The following EPHA6 variants were observed in gnomAD, a reference collection of about 807,000 sequenced individuals.
EPHA6 encodes the protein ephrin type-A receptor 6.
In EPHA6, 50 loss-of-function variants were observed where a neutral mutation model predicts 112.0. The ratio of observed to expected loss-of-function variants is 0.45; its 90% CI spans 0.36 to 0.56. The LOEUF is 0.56. EPHA6 is among the 20% of genes least tolerant of loss of function. The pLI, the probability that EPHA6 is intolerant of heterozygous loss-of-function variation, is 0.00. For synonymous variants in EPHA6, 529 were observed against 490.7 expected (o/e 1.08, Z -1.03); for missense variants, 1,280 against 1,417.4 (o/e 0.90, Z 1.56).
chr3:97,321,729 G>A (rs2082130743), intron 5 of EPHA6, among the ~76,000 whole-genome samples: 1 of 151,772 alleles, frequency 6.6e-6, no homozygotes, highest in Non-Finnish European at 1.5e-5. Flanking sequence ...AATAATTTAA[G>A]TGTAAATAGA....
rs1006194457 is a variant in EPHA6 at position 97,701,702 on chromosome 3, C to T, written c.2785-18559C>T. ...ATTTGTCTGACAATGATATACCTAC[C>T]TTCTTTTTTTATATATACCTACCTT... is the stretch of plus-strand genomic sequence containing the variant. On this transcript the variant is annotated intron_variant, in intron 14 of 17. Coordinates refer to ENST00000389672, the MANE Select transcript of EPHA6 (RefSeq NM_001080448.3). 2.6e-5 allele frequency among the ~76,000 whole-genome samples: 4 copies of T among 151,378 alleles called. No individual in the cohort carries two copies. The East Asian group carries it at 7.8e-4, about 29-fold the overall frequency.
chr3:97,674,525 C>T (rs577169568), intron 14 of EPHA6, among the ~76,000 whole-genome samples: 12 of 152,270 alleles, frequency 7.9e-5, no homozygotes, highest in African/African-American at 2.2e-4. Flanking sequence ...AACAAATATT[C>T]TCTAGACAGT....
At chr3:97,110,647 C>G (rs2047694379) in intron 3 of EPHA6, among the ~76,000 whole-genome samples, 1 of 152,058 alleles carries the variant, frequency 6.6e-6, no homozygotes, top group Non-Finnish European at 1.5e-5. Context: ...TCCTCAGCCT[C>G]CCAAGTAGCT....
intron 3 of EPHA6, among the ~76,000 whole-genome samples, chr3:97,059,634 T>C (rs2045955763): frequency 6.6e-6 from 1 of 151,094 alleles, no homozygotes; most frequent in Non-Finnish European, 1.5e-5. Flanking sequence ...ATTTTGTTGT[T>C]GTGAATTTTA....
intron 4 of EPHA6, among the ~76,000 whole-genome samples, chr3:97,242,520 T>C (rs903753792): frequency 6.6e-6 from 1 of 151,888 alleles, no homozygotes. Context: ...GATTTGAATT[T>C]TATTCATCCG....
chr3:97,466,316 T>A (rs1397203837), intron 7 of EPHA6: 1 of 1,519,554 alleles, frequency 6.6e-7, no homozygotes, highest in Non-Finnish European at 9.1e-7. Context: ...CAATGAGAAG[T>A]AACTATACCT....
intron 12 of EPHA6, among the ~76,000 whole-genome samples, chr3:97,609,520 A>G (rs866232717): frequency 1.3e-5 from 2 of 151,508 alleles, no homozygotes; most frequent in Non-Finnish European, 3.0e-5. Flanking sequence ...TATAGAATAT[A>G]AGTTAATATT....
intron 4 of EPHA6, among the ~76,000 whole-genome samples, chr3:97,242,816 T>G (rs2078885785): frequency 6.6e-6 from 1 of 151,864 alleles, no homozygotes; most frequent in African/African-American, 2.4e-5. Flanking sequence ...AGATTTTTTT[T>G]TTAAATGAAG....
At chr3:97,168,202 A>G (rs1226985019) in intron 3 of EPHA6, among the ~76,000 whole-genome samples, 1 of 152,192 alleles carries the variant, frequency 6.6e-6, no homozygotes, top group Non-Finnish European at 1.5e-5. Flanking sequence ...TTTTACTGTG[A>G]CTGAAAATGT....
At chr3:97,285,821 C>T (rs866200928) in intron 5 of EPHA6, among the ~76,000 whole-genome samples, 31 of 152,052 alleles carry the variant, frequency 2.0e-4, no homozygotes, top group Non-Finnish European at 2.6e-4. Context: ...ATACTGTTTT[C>T]CATAATGGCT....
At chr3:97,595,588 T>C (rs2093581594) in intron 12 of EPHA6, among the ~76,000 whole-genome samples, 1 of 151,666 alleles carries the variant, frequency 6.6e-6, no homozygotes, top group East Asian at 2.0e-4. Context: ...GAAGTTGCAG[T>C]GAGCCGAGAT....
At chr3:97,743,291 G>A (rs574323647) in intron 16 of EPHA6, among the ~76,000 whole-genome samples, 6 of 152,184 alleles carry the variant, frequency 3.9e-5, no homozygotes, top group South Asian at 4.1e-4. Flanking sequence ...GAGTCATCAC[G>A]TATTTAATGA....
chr3:97,406,563 A>T lies in EPHA6; in HGVS notation c.1731+1289A>T, dbSNP rs1391477646. Among the ~76,000 whole-genome samples, 3 of 152,144 alleles carry T rather than the reference A, an allele frequency of 2.0e-5. No homozygotes were observed. The East Asian group carries it at 5.8e-4, about 29-fold the overall frequency. On this transcript the variant is annotated intron_variant, in intron 6 of 17. Transcript: ENST00000389672. ...TATAATGGCAATCAAATTAAAACATAAGCTTGGCAGGGACATTAACCATAA... is the reference window on the plus strand; with the variant it reads ...TATAATGGCAATCAAATTAAAACATTAGCTTGGCAGGGACATTAACCATAA...
rs189093872 is a variant in EPHA6 at position 97,498,225 on chromosome 3, T to A, written c.2200+14166T>A. Among the ~76,000 whole-genome samples the A allele has an allele frequency of 1.9e-3, 283 of 151,788 alleles. 2 individuals carry two copies. Among genetic ancestry groups the A allele is most frequent in the African/African-American group, 6.5e-3 (268 of 41,360 alleles). ...ACAAGGAATGAACTTAGATTATAAC[T>A]GATTGGTTGTAACGTAGAGCTCTGC... On this transcript the variant is annotated intron_variant, in intron 10 of 17. Coordinates refer to ENST00000389672, the MANE Select transcript of EPHA6 (RefSeq NM_001080448.3).
At chr3:97,677,941 T>G (rs1474462042) in intron 14 of EPHA6, among the ~76,000 whole-genome samples, 3 of 152,096 alleles carry the variant, frequency 2.0e-5, no homozygotes. Context: ...TAAGGGGACA[T>G]TAATTCGTAT....
At chr3:97,109,994 A>G (rs2047676109) in intron 3 of EPHA6, among the ~76,000 whole-genome samples, 1 of 152,164 alleles carries the variant, frequency 6.6e-6, no homozygotes, top group African/African-American at 2.4e-5. Context: ...TGAAATCAAT[A>G]GAAATGAGAA....
chr3:97,104,973 G>T (rs2047520432), intron 3 of EPHA6, among the ~76,000 whole-genome samples: 2 of 151,690 alleles, frequency 1.3e-5, no homozygotes, highest in Non-Finnish European at 2.9e-5. Context: ...GTATTTCTGT[G>T]GGGTCAGTGT....
chr3:97,447,754 A>G, intron 6 of EPHA6: 1 of 1,013,626 alleles, frequency 9.9e-7, no homozygotes, highest in East Asian at 6.8e-5. Flanking sequence ...ACTTCCATTT[A>G]GTGAAGTGAG....
chr3:97,099,155 G>C (rs763635606), intron 3 of EPHA6, among the ~76,000 whole-genome samples: 2 of 151,892 alleles, frequency 1.3e-5, no homozygotes, highest in East Asian at 3.9e-4. Context: ...AAGTCAACAT[G>C]TATATTTATT....
Sources: allele counts gnomAD v4.1 joint callset (sites outside exome capture counted in the v4.1 genomes callset), GRCh38; gene constraint gnomAD v4.1.1; transcripts MANE v1.5; gene names NCBI Gene and HGNC (gene_info 2026-07-23, HGNC 2026-07-21).